GLI2: variants seen among roughly 807,000 people sequenced by gnomAD.
GLI2 encodes the protein GLI family zinc finger 2, also known as transcription activator GLI2.
In GLI2, 22 loss-of-function variants were observed where a neutral mutation model predicts 78.9. The observed-to-expected ratio is 0.28, with a 90% CI of 0.20 to 0.40. GLI2 has a LOEUF of 0.40. Ranked by LOEUF, GLI2 falls within the 10% of genes least tolerant of loss-of-function variation. The pLI, the probability that GLI2 is intolerant of heterozygous loss-of-function variation, is 1.00. For synonymous variants in GLI2, 974 were observed against 963.7 expected, an observed-to-expected ratio of 1.01 and a Z score of -0.20; for missense variants, 2,097 against 2,213.2, an observed-to-expected ratio of 0.95 and a Z score of 1.05.
chr2:120,836,449 A>G (rs192923900), intron 2 of GLI2, among the ~76,000 whole-genome samples: 1 of 152,340 alleles, frequency 6.6e-6, no homozygotes, highest in Admixed American at 6.5e-5. Flanking sequence ...ATAAATGAAT[A>G]TTCCACAGCC....
chr2:120,921,267 T>C (rs7606382), intron 2 of GLI2, among the ~76,000 whole-genome samples: 117,956 of 148,660 alleles, frequency 0.79, 51,118 homozygotes, highest in East Asian at 1. Context: ...TGTGTGTTGG[T>C]GGGGGGTGTT....
At chr2:120,944,647 G>T (rs75536006) in intron 3 of GLI2, among the ~76,000 whole-genome samples, 3,920 of 152,288 alleles carry the variant, frequency 0.026, 179 homozygotes, top group African/African-American at 0.091. Context: ...CATCTGGGTG[G>T]ACCATTAGAC....
chr2:120,914,887 C>T (rs1429634621), intron 2 of GLI2, among the ~76,000 whole-genome samples: 1 of 152,230 alleles, frequency 6.6e-6, no homozygotes, highest in Non-Finnish European at 1.5e-5. Context: ...GTGGCACTGG[C>T]GGCAGCCTCA....
chr2:120,959,650 C>T (rs1010745950), intron 5 of GLI2, among the ~76,000 whole-genome samples: 2 of 152,116 alleles, frequency 1.3e-5, no homozygotes, highest in Non-Finnish European at 2.9e-5. Flanking sequence ...CCAGGCGGCT[C>T]GGGCTGGACC....
At chr2:120,842,037 A>G (rs1443620892) in intron 2 of GLI2, among the ~76,000 whole-genome samples, 1 of 147,722 alleles carries the variant, frequency 6.8e-6, no homozygotes, top group Non-Finnish European at 1.5e-5. Flanking sequence ...TTCAAACTCA[A>G]TAGTTACCTA....
At chr2:120,919,857 CA>C (rs1679283424) in intron 2 of GLI2, among the ~76,000 whole-genome samples, 1 of 152,088 alleles carries the variant, frequency 6.6e-6, no homozygotes, top group African/African-American at 2.4e-5. Context: ...GCCAATTGCC[CA>C]AGAAGGATGG....
chr2:120,928,436 C>A, intron 3 of GLI2, among the ~76,000 whole-genome samples: 1 of 152,328 alleles, frequency 6.6e-6, no homozygotes, highest in South Asian at 2.1e-4. Flanking sequence ...CTGCTGCCCT[C>A]AATCCACAGC....
chr2:120,840,613 T>C (rs1198964728), intron 2 of GLI2, among the ~76,000 whole-genome samples: 1 of 152,194 alleles, frequency 6.6e-6, no homozygotes, highest in Non-Finnish European at 1.5e-5. Flanking sequence ...GGACTATAAA[T>C]TTGAACCATC....
intron 2 of GLI2, among the ~76,000 whole-genome samples, chr2:120,907,649 C>T (rs1009323844): frequency 6.6e-6 from 1 of 152,202 alleles, no homozygotes; most frequent in African/African-American, 2.4e-5. Context: ...TGGAGAATCG[C>T]AGACGAGGGT....
chr2:120,942,818 G>A (rs116376121), intron 3 of GLI2, among the ~76,000 whole-genome samples: 2 of 147,542 alleles, frequency 1.4e-5, no homozygotes, highest in East Asian at 1.9e-4. Flanking sequence ...TCACTCATTC[G>A]TTCACGCCCT....
At position 120,988,999 on chromosome 2, in the gene GLI2, C is replaced by A. The variant is rs761580748; in HGVS notation, c.3034C>A (p.Pro1012Thr). ...LARGAYSPRP[P>T]SISENVAMEA... ...CCGCGGCGCCTACTCGCCCCGGCCGCCTAGCATCAGCGAGAACGTGGCGAT... is the reference window on the plus strand; with the variant it reads ...CCGCGGCGCCTACTCGCCCCGGCCGACTAGCATCAGCGAGAACGTGGCGAT... The change falls in exon 14 of 14, where the codon CCT (proline) becomes ACT (threonine). Residue 1012 changes from proline (P) to threonine (T), a missense_variant. Pro to Thr is a conservative substitution (Grantham distance 38). This residue lies in a region of GLI2 where 1,290 missense variants were observed against 1,261.7 expected (regional missense o/e 1.02). Coordinates refer to ENST00000361492, the MANE Select transcript of GLI2 (RefSeq NM_001374353.1). 6.3e-7 allele frequency: 1 copy of A among 1,594,492 alleles called. No homozygotes were observed. Among genetic ancestry groups the A allele is most frequent in the East Asian group, 2.2e-5 (1 of 44,538 alleles).
chr2:120,767,721 C>T lies in GLI2; in HGVS notation c.-30-29570C>T, dbSNP rs116339493. 2.9e-3 allele frequency among the ~76,000 whole-genome samples: 445 copies of T among 152,348 alleles called. 3 individuals are homozygous for T. The highest frequency in any genetic ancestry group is 0.01 in the African/African-American group (416 of 41,572). ...GGTCACCCTGCCCCAGCCACAGTGG[C>T]CTGCGTGGGCTCTGGCCCCACCTGG... On this transcript the variant is annotated intron_variant, in intron 1 of 13. Transcript: ENST00000361492.
chr2:120,825,602 G>A (rs1330845160), intron 2 of GLI2, among the ~76,000 whole-genome samples: 1 of 151,728 alleles, frequency 6.6e-6, no homozygotes, highest in Non-Finnish European at 1.5e-5. Context: ...CTGTGAGTGT[G>A]TGCTGGACTG....
rs369826609 is a variant in GLI2 at position 120,894,609 on chromosome 2, T to TGG, written c.149-32744_149-32743dup. On this transcript the variant is annotated intron_variant, in intron 2 of 13. Transcript: ENST00000361492. The stretch of plus-strand genomic sequence containing the variant: ...ACAAATGAAGACATGCATTAACCCT[T>TGG]GGGGGGGGGTACCAGTGATTTCAAA... 8.1e-3 allele frequency among the ~76,000 whole-genome samples: 1,192 copies of TGG among 147,930 alleles called. 23 individuals carry two copies. The highest frequency in any genetic ancestry group is 0.029 in the African/African-American group (1,137 of 39,104).
intron 1 of GLI2, among the ~76,000 whole-genome samples, chr2:120,753,975 C>G (rs548518970): frequency 6.8e-6 from 1 of 147,428 alleles, no homozygotes; most frequent in East Asian, 2.0e-4. Flanking sequence ...ACATTTTTTT[C>G]TTGTGCCATC....
rs780453822 is a variant in GLI2, at chr2:120,951,343, C to G, written c.355C>G (p.His119Asp). 2.5e-6 allele frequency: 4 copies of G among 1,584,618 alleles called. No individual in the cohort carries two copies. Among genetic ancestry groups the G allele is most frequent in the Admixed American group, 1.7e-5 (1 of 59,964 alleles). Reference sequence around the variant, plus strand: ...TGGGGAGTCCCCCTTCAACGCCCCCCACCCGTACGTGAACCCCCACATGGA... The same window carrying G: ...TGGGGAGTCCCCCTTCAACGCCCCCGACCCGTACGTGAACCCCCACATGGA... ...GPGESPFNAP[H>D]PYVNPHMEHY... The change falls in exon 4 of 14, where the codon CAC becomes GAC. Residue 119 changes from histidine to aspartate, a missense_variant. Physicochemically the swap from His to Asp is moderately conservative, Grantham distance 81 (BLOSUM62 -1). This residue lies in a region of GLI2 where 578 missense variants were observed against 612.0 expected (regional missense o/e 0.94). Coordinates refer to ENST00000361492, the MANE Select transcript of GLI2 (RefSeq NM_001374353.1).
At chr2:120,789,295 ATTACAGGT>A (rs1187102789) in intron 1 of GLI2, among the ~76,000 whole-genome samples, 1 of 151,918 alleles carries the variant, frequency 6.6e-6, no homozygotes, top group Non-Finnish European at 1.5e-5. Flanking sequence ...GAGTGCTGGG[ATTACAGGT>A]GTGAGCCACC....
Position 120,988,350 on chromosome 2 carries a change from G to C in GLI2, c.2385G>C (p.Thr795=), listed in dbSNP as rs762985919. ...LQERRDSSTS[T]VSSAYTVSRR... ...AGCGCCGCGACAGCTCCACCAGCAC[G>C]GTCAGCTCGGCCTACACCGTGAGCC... Residue 795 remains threonine, a synonymous_variant, in exon 14 of 14, where the codon ACG becomes ACC. Coordinates refer to ENST00000361492, the MANE Select transcript of GLI2 (RefSeq NM_001374353.1). 2.5e-6 allele frequency: 4 copies of C among 1,572,674 alleles called. No individual in the cohort carries two copies. The highest frequency in any genetic ancestry group is 2.3e-5 in the East Asian group (1 of 42,678).
chr2:120,771,812 A>G (rs1683530808), intron 1 of GLI2, among the ~76,000 whole-genome samples: 1 of 152,212 alleles, frequency 6.6e-6, no homozygotes, highest in African/African-American at 2.4e-5. Context: ...CAAAGTTAGA[A>G]GGGGAGTGGA....
Sources: gnomAD v4.1 joint callset for allele counts (sites outside exome capture counted in the v4.1 genomes callset) on GRCh38, gnomAD v4.1.1 for gene constraint, gnomAD v4.1.1 regional missense constraint, MANE v1.5 for transcripts, NCBI Gene and HGNC (gene_info 2026-07-23, HGNC 2026-07-21) for gene names.